The following SCYL2 variants were observed in gnomAD, a reference collection of about 807,000 sequenced individuals.
SCYL2 encodes the protein SCY1 like pseudokinase 2.
A neutral mutation model predicts 100.4 loss-of-function variants in SCYL2; 36 were observed. The ratio of observed to expected loss-of-function variants is 0.36; its 90% confidence interval spans 0.27 to 0.47. SCYL2 has a LOEUF of 0.47. Among genes scored for constraint, SCYL2 ranks in the 20% least tolerant of loss-of-function variants. The probability of loss-of-function intolerance (pLI) is 1.00; values close to 1 mark genes in which losing one functional copy is unlikely to be tolerated. For synonymous variants in SCYL2, 330 were observed against 359.2 expected, an observed-to-expected ratio of 0.92 and a Z score of 0.92; for missense variants, 902 against 1,083.9, an observed-to-expected ratio of 0.83 and a Z score of 2.36.
At chr12:100,317,638 G>T in intron 9 of SCYL2, 165 bp from the exon 10 acceptor site, 2 of 1,398,288 alleles carry the variant, frequency 1.4e-6, no homozygotes, top group Non-Finnish European at 1.9e-6. Flanking sequence ...CTCCAGAAAT[G>T]TAAGAGACTT....
chr12:100,305,136 G>T (rs940439257), intron 4 of SCYL2, among the ~76,000 whole-genome samples: 2 of 152,188 alleles, frequency 1.3e-5, no homozygotes, highest in Non-Finnish European at 2.9e-5. Flanking sequence ...CTTGAACTCA[G>T]CTCTGGACTA....
rs1305414575 is a variant in SCYL2 at position 100,326,720 on chromosome 12, A to G, written c.1608A>G (p.Pro536=). The change falls in exon 12 of 18, where the codon CCA becomes CCG. Residue 536 remains proline, a synonymous_variant. Coordinates refer to ENST00000360820, the MANE Select transcript of SCYL2 (RefSeq NM_017988.6). ...TCCTACCCTTCTTACAACAAATTCC[A>G]TCCAAGGAACCTGCGGTCCTCATGG... ...DDILPFLQQI[P]SKEPAVLMGI... 2 of 1,611,730 alleles carry G rather than the reference A, an allele frequency of 1.2e-6. No homozygotes were observed. Among genetic ancestry groups the G allele is most frequent in the East Asian group, 2.2e-5 (1 of 44,736 alleles).
intron 4 of SCYL2, among the ~76,000 whole-genome samples, chr12:100,307,509 A>G (rs2135890996): frequency 6.6e-6 from 1 of 152,318 alleles, no homozygotes. Context: ...TGGATTAAAG[A>G]CTTAAACATA....
intron 1 of SCYL2, among the ~76,000 whole-genome samples, chr12:100,278,358 C>T (rs1484972082): frequency 6.6e-6 from 1 of 152,008 alleles, no homozygotes; most frequent in Non-Finnish European, 1.5e-5. Flanking sequence ...TGACACCATA[C>T]CTGGATAATT....
intron 1 of SCYL2, among the ~76,000 whole-genome samples, chr12:100,281,833 CAAAAA>C (rs550669839): frequency 1.0e-4 from 6 of 59,354 alleles, no homozygotes; most frequent in African/African-American, 1.9e-4. Context: ...GACTCCGTCT[CAAAAA>C]AAAAAAAAAA....
chr12:100,280,476 A>G (rs1185311457), intron 1 of SCYL2, among the ~76,000 whole-genome samples: 2 of 152,202 alleles, frequency 1.3e-5, no homozygotes, highest in Non-Finnish European at 2.9e-5. Context: ...TATTCCCTGA[A>G]AAGTCTTCAT....
intron 3 of SCYL2, among the ~76,000 whole-genome samples, chr12:100,294,250 G>C (rs1445365040): frequency 1.5e-5 from 2 of 136,042 alleles, no homozygotes; most frequent in African/African-American, 2.8e-5. Flanking sequence ...CTGGCCAGGT[G>C]GGGGGCTGAC....
chr12:100,279,444 T>C (rs773085619), intron 1 of SCYL2, among the ~76,000 whole-genome samples: 21 of 152,232 alleles, frequency 1.4e-4, no homozygotes, highest in Non-Finnish European at 2.5e-4. Context: ...GGGTCTACTG[T>C]TGTATAAGTC....
At chr12:100,290,159 C>A (rs1183463659) in intron 2 of SCYL2, among the ~76,000 whole-genome samples, 1 of 151,392 alleles carries the variant, frequency 6.6e-6, no homozygotes, top group Non-Finnish European at 1.5e-5. Flanking sequence ...ATTATTTATT[C>A]TTTTTTTTTC....
chr12:100,278,078 T>C (rs2096294395), intron 1 of SCYL2, among the ~76,000 whole-genome samples: 2 of 152,230 alleles, frequency 1.3e-5, no homozygotes, highest in Admixed American at 1.3e-4. Flanking sequence ...TACATTTTTA[T>C]TATTTTTGCT....
intron 4 of SCYL2, among the ~76,000 whole-genome samples, chr12:100,309,858 A>T (rs1451886508): frequency 6.6e-6 from 1 of 152,312 alleles, no homozygotes; most frequent in Admixed American, 6.5e-5. Flanking sequence ...ACTGTTTTAC[A>T]TAGCACCTAT....
rs1195677084 is a variant in SCYL2, at chr12:100,329,339, T to G, written c.1761+20T>G. 3 of 1,090,264 alleles carry G rather than the reference T, an allele frequency of 2.8e-6. No individual in the cohort carries two copies. In the East Asian group the frequency reaches 7.1e-5, roughly 26 times the overall value. The allele number at this position is 1,090,264 out of a possible 1,614,324, so 67.5% of individuals were successfully genotyped here. A position where few individuals can be genotyped will look rare whatever the true frequency, so the allele number is the denominator to read the frequency against. ...AATCAGGTAGGAGTATTTTTGTGCT[T>G]TATTCATTTTATTCAGCTTACTTTT... On this transcript the variant is annotated intron_variant, in intron 13 of 17. Transcript: ENST00000360820.
At chr12:100,306,670 T>C (rs2096334749) in intron 4 of SCYL2, among the ~76,000 whole-genome samples, 1 of 152,162 alleles carries the variant, frequency 6.6e-6, no homozygotes, top group South Asian at 2.1e-4. Context: ...GAGAATGAAA[T>C]AAAGGGTATT....
intron 4 of SCYL2, among the ~76,000 whole-genome samples, chr12:100,309,505 A>G (rs145572012): frequency 1.3e-5 from 2 of 152,336 alleles, no homozygotes; most frequent in Non-Finnish European, 2.9e-5. Context: ...TGATTGGCCT[A>G]TGTTAGCATA....
chr12:100,293,722 TGAC>T (rs1168964935), intron 3 of SCYL2, among the ~76,000 whole-genome samples: 1 of 151,932 alleles, frequency 6.6e-6, no homozygotes, highest in Non-Finnish European at 1.5e-5. Flanking sequence ...TAGGGAGTGG[TGAC>T]GACTCTTAAC....
At chr12:100,276,168 A>G (rs2096292292) in intron 1 of SCYL2, among the ~76,000 whole-genome samples, 1 of 152,182 alleles carries the variant, frequency 6.6e-6, no homozygotes, top group African/African-American at 2.4e-5. Flanking sequence ...AATGGAAAGT[A>G]TCCTCCCCTC....
At chr12:100,330,030 G>A (rs898602902) in intron 13 of SCYL2, among the ~76,000 whole-genome samples, 1 of 152,158 alleles carries the variant, frequency 6.6e-6, no homozygotes, top group Admixed American at 6.5e-5. Context: ...CATCACCTGT[G>A]CCATAGTCTG....
At chr12:100,289,590 A>G (rs746710789) in intron 2 of SCYL2, among the ~76,000 whole-genome samples, 71 of 152,220 alleles carry the variant, frequency 4.7e-4, no homozygotes, top group Non-Finnish European at 7.8e-4. Flanking sequence ...AAGATTTTCT[A>G]GTAGACTAAT....
chr12:100,324,968 C>T (rs2096360053), intron 11 of SCYL2, among the ~76,000 whole-genome samples: 1 of 152,148 alleles, frequency 6.6e-6, no homozygotes, highest in South Asian at 2.1e-4. Flanking sequence ...TGGTGGCTCA[C>T]ACCTTTAATC....
Sources: allele counts gnomAD v4.1 joint callset (sites outside exome capture counted in the v4.1 genomes callset), GRCh38; gene constraint gnomAD v4.1.1; transcripts MANE v1.5; gene names NCBI Gene and HGNC (gene_info 2026-07-23, HGNC 2026-07-21).